The following ACSS3 variants were observed in gnomAD, a reference collection of about 807,000 sequenced individuals.
ACSS3 encodes acyl-CoA synthetase short chain family member 3.
In ACSS3, 64 loss-of-function variants were observed where a neutral mutation model predicts 84.2. The ratio of observed to expected loss-of-function variants is 0.76; its 90% confidence interval spans 0.62 to 0.94. The LOEUF (loss-of-function observed/expected upper bound fraction) is 0.94. ACSS3 is among the 40% of genes least tolerant of loss of function. The pLI, the probability that ACSS3 is intolerant of heterozygous loss-of-function variation, is 0.00. For synonymous variants in ACSS3, 317 were observed against 310.1 expected (o/e 1.02, Z -0.23); for missense variants, 815 against 867.6 (o/e 0.94, Z 0.76).
At position 81,254,896 on chromosome 12, in the gene ACSS3, G is replaced by A. The variant is rs368687134; in HGVS notation, c.2035G>A (p.Val679Ile). 2.1e-5 allele frequency: 33 copies of A among 1,606,742 alleles called. No homozygotes were observed. Among genetic ancestry groups the A allele is most frequent in the East Asian group, 4.5e-5 (2 of 44,412 alleles). The change falls in exon 16 of 16, where the codon GTA (valine) becomes ATA (isoleucine). Residue 679 changes from valine (V) to isoleucine (I), a missense_variant. Val to Ile is a conservative substitution (Grantham distance 29, BLOSUM62 3). Coordinates refer to ENST00000548058, the MANE Select transcript of ACSS3 (RefSeq NM_024560.4). ...TGAAGACCCCAGCATTTTTGGCCACGTAGAAGAAATGCTGAAGCAAGCATA... is the reference window on the plus strand; with the variant it reads ...TGAAGACCCCAGCATTTTTGGCCACATAGAAGAAATGCTGAAGCAAGCATA... ...TIEDPSIFGH[V>I]EEMLKQA
intron 1 of ACSS3, among the ~76,000 whole-genome samples, chr12:81,102,115 A>G (rs1371391676): frequency 2.0e-5 from 3 of 152,114 alleles, no homozygotes; most frequent in Admixed American, 6.6e-5. Flanking sequence ...ACTTATATAC[A>G]CACATGCACT....
At chr12:81,110,362 G>A (rs1226403206) in intron 2 of ACSS3, among the ~76,000 whole-genome samples, 1 of 152,052 alleles carries the variant, frequency 6.6e-6, no homozygotes, top group Admixed American at 6.6e-5. Flanking sequence ...TGGCTTATTT[G>A]CTCTTTTGAG....
chr12:81,199,515 C>G lies in ACSS3; in HGVS notation c.1354+71C>G, dbSNP rs548281651. ...AAAAAGCTGCAAGGATTGGAGGAAACTTTTGAGCTACGACCAGCAGATCAG... is the reference window on the plus strand; with the variant it reads ...AAAAAGCTGCAAGGATTGGAGGAAAGTTTTGAGCTACGACCAGCAGATCAG... On this transcript the variant is annotated intron_variant, in intron 9 of 15. Transcript: ENST00000548058. 46 of 1,525,814 alleles carry G rather than the reference C, an allele frequency of 3.0e-5. No homozygotes were observed. The African/African-American group carries it at 5.7e-4, about 19-fold the overall frequency. 94.5% of individuals were successfully genotyped at this position (1,525,814 alleles called of 1,614,324 possible).
At chr12:81,244,111 A>G (rs114783977) in intron 13 of ACSS3, among the ~76,000 whole-genome samples, 1 of 152,056 alleles carries the variant, frequency 6.6e-6, no homozygotes, top group Non-Finnish European at 1.5e-5. Flanking sequence ...ACAATATAGC[A>G]ATCTGGAATT....
chr12:81,230,416 G>A (rs909954740), intron 11 of ACSS3, among the ~76,000 whole-genome samples: 15 of 151,810 alleles, frequency 9.9e-5, no homozygotes, highest in African/African-American at 3.4e-4. Flanking sequence ...AATGAAAGAA[G>A]TATAAGGAGG....
chr12:81,141,131 C>T (rs925813262), intron 4 of ACSS3, among the ~76,000 whole-genome samples: 1 of 152,172 alleles, frequency 6.6e-6, no homozygotes, highest in African/African-American at 2.4e-5. Context: ...GTGCAAGTCT[C>T]TTCTCTTTTC....
chr12:81,087,767 A>G (rs1881415781), intron 1 of ACSS3, among the ~76,000 whole-genome samples: 1 of 151,634 alleles, frequency 6.6e-6, no homozygotes, highest in Non-Finnish European at 1.5e-5. Context: ...CTCCCTCCCA[A>G]CTCTCCCTCC....
chr12:81,202,957 T>C (rs1436916203), intron 9 of ACSS3, among the ~76,000 whole-genome samples: 2 of 152,074 alleles, frequency 1.3e-5, no homozygotes, highest in African/African-American at 2.4e-5. Flanking sequence ...TTTAGAGAGA[T>C]TGGCTGACAT....
At position 81,166,736 on chromosome 12, in the gene ACSS3, G is replaced by A. The variant is rs574919759; in HGVS notation, c.1099-8052G>A. ...TTTGTTGTTTCATTTTTGACATGGA[G>A]AAATCTGAGCATGTTTGAAGGTTGT... On this transcript the variant is annotated intron_variant, in intron 7 of 15. Transcript: ENST00000548058. Among the ~76,000 whole-genome samples the A allele has an allele frequency of 5.3e-4, 81 of 152,320 alleles. 1 individual carries two copies. Among genetic ancestry groups the A allele is most frequent in the African/African-American group, 1.9e-3 (77 of 41,580 alleles).
intron 7 of ACSS3, among the ~76,000 whole-genome samples, chr12:81,157,511 T>G (rs1029577509): frequency 6.6e-6 from 1 of 152,122 alleles, no homozygotes; most frequent in African/African-American, 2.4e-5. Flanking sequence ...GCTCATTTAA[T>G]AAAGAAGTAT....
chr12:81,218,249 A>G (rs1465600349), intron 10 of ACSS3, among the ~76,000 whole-genome samples: 1 of 152,224 alleles, frequency 6.6e-6, no homozygotes, highest in African/African-American at 2.4e-5. Flanking sequence ...CATTCATTTT[A>G]CAGACAAGGA....
intron 4 of ACSS3, among the ~76,000 whole-genome samples, chr12:81,140,612 T>C (rs1295853605): frequency 1.3e-5 from 2 of 152,188 alleles, no homozygotes; most frequent in Non-Finnish European, 2.9e-5. Context: ...ACTGCTGCAC[T>C]TAATGATTTT....
In ACSS3 at chr12:81,186,487, A is replaced by G. The variant is rs375596073; in HGVS notation, c.1250+11548A>G. The stretch of plus-strand genomic sequence containing the variant: ...ATAAAGGGTTAATATCCAAAATTTT[A>G]TAAAGAACTCATACAGTTCAATCGT... On this transcript the variant is annotated intron_variant, in intron 8 of 15. Coordinates refer to ENST00000548058, the MANE Select transcript of ACSS3 (RefSeq NM_024560.4). 2.2e-4 allele frequency among the ~76,000 whole-genome samples: 34 copies of G among 151,910 alleles called. No individual in the cohort carries two copies. The East Asian group carries it at 6.0e-3, about 27-fold the overall frequency.
At chr12:81,245,303 A>G (rs1016834470) in intron 13 of ACSS3, among the ~76,000 whole-genome samples, 1 of 152,160 alleles carries the variant, frequency 6.6e-6, no homozygotes, top group Non-Finnish European at 1.5e-5. Context: ...CTACTAAAAA[A>G]TACAAAAAAT....
intron 13 of ACSS3, among the ~76,000 whole-genome samples, chr12:81,239,111 CAT>C (rs541445674): frequency 2.2e-4 from 34 of 151,896 alleles, no homozygotes; most frequent in South Asian, 4.2e-4. Flanking sequence ...TTCTTTGACT[CAT>C]GTGTTATTTA....
At chr12:81,182,685 G>T (rs2031016418) in intron 8 of ACSS3, among the ~76,000 whole-genome samples, 1 of 152,164 alleles carries the variant, frequency 6.6e-6, no homozygotes, top group African/African-American at 2.4e-5. Context: ...AAGTATATCT[G>T]TAAGATTGTA....
intron 1 of ACSS3, among the ~76,000 whole-genome samples, chr12:81,092,785 G>A (rs1206229871): frequency 2.0e-5 from 3 of 152,120 alleles, no homozygotes; most frequent in East Asian, 3.8e-4. Flanking sequence ...AATGGGAAAC[G>A]TTTCATCTAG....
intron 1 of ACSS3, among the ~76,000 whole-genome samples, chr12:81,095,750 A>G (rs1881998983): frequency 6.6e-6 from 1 of 152,180 alleles, no homozygotes; most frequent in African/African-American, 2.4e-5. Context: ...GGCAAGGCGG[A>G]AGATGTCTAT....
chr12:81,208,256 C>T (rs968454845), intron 9 of ACSS3, among the ~76,000 whole-genome samples: 2 of 152,110 alleles, frequency 1.3e-5, no homozygotes. Flanking sequence ...CATGGACTAC[C>T]GACTTCTAAA....
Sources: allele counts gnomAD v4.1 joint callset (sites outside exome capture counted in the v4.1 genomes callset), GRCh38; gene constraint gnomAD v4.1.1; transcripts MANE v1.5; gene names NCBI Gene and HGNC (gene_info 2026-07-23, HGNC 2026-07-21).